The following SYT1 variants were observed in gnomAD, a reference collection of about 807,000 sequenced individuals.
The protein encoded by SYT1 is synaptotagmin 1.
Under a neutral mutation model 44.8 loss-of-function variants are expected in SYT1, and 8 were observed. The observed-to-expected ratio is 0.18, with a 90% CI of 0.10 to 0.32. SYT1 has a LOEUF of 0.32. Ranked by LOEUF, SYT1 falls within the 10% of genes least tolerant of loss-of-function variation. The pLI is 1.00. For synonymous variants in SYT1, 154 were observed against 188.8 expected (o/e 0.82, Z 1.51); for missense variants, 286 against 509.3 (o/e 0.56, Z 4.22).
chr12:79,228,642 A>G (rs1272867810), intron 4 of SYT1, among the ~76,000 whole-genome samples: 3 of 151,916 alleles, frequency 2.0e-5, no homozygotes, highest in Non-Finnish European at 4.4e-5. Flanking sequence ...TTTATTCTAC[A>G]TGCTCTTTTT....
Position 79,449,371 on chromosome 12 carries a change from GA to G in SYT1, c.*250del. 2.0e-6 allele frequency: 1 copy of G among 488,970 alleles called. No individual in the cohort carries two copies. The highest frequency in any genetic ancestry group is 3.7e-6 in the Non-Finnish European group (1 of 272,122). 30.3% of individuals were successfully genotyped at this position (488,970 alleles called of 1,614,324 possible). The stretch of plus-strand genomic sequence containing the variant: ...TATGATGTGTAGATAGAGCATGAAT[GA>G]AATTATTTATTGTATCACACTGTTG... On this transcript the variant is annotated 3_prime_UTR_variant, in exon 11 of 11. Coordinates refer to ENST00000261205, the MANE Select transcript of SYT1 (RefSeq NM_005639.3).
intron 5 of SYT1, among the ~76,000 whole-genome samples, chr12:79,290,397 G>A (rs957494855): frequency 6.6e-6 from 1 of 152,178 alleles, no homozygotes; most frequent in African/African-American, 2.4e-5. Flanking sequence ...TAAGTGGGTG[G>A]ATTGAACAGA....
intron 4 of SYT1, among the ~76,000 whole-genome samples, chr12:79,242,090 GC>G (rs1219732117): frequency 3.3e-5 from 5 of 152,172 alleles, no homozygotes. Flanking sequence ...CAGACTTGAA[GC>G]CCCTAAAACT....
chr12:79,444,048 AG>A (rs1249157324), intron 9 of SYT1, 24 bp from the exon 10 acceptor site: 3 of 1,611,268 alleles, frequency 1.9e-6, no homozygotes, highest in Admixed American at 1.7e-5. Context: ...GATCTCCTAA[AG>A]TTTGTTTCCT....
chr12:79,245,491 A>AAAAG, intron 4 of SYT1, among the ~76,000 whole-genome samples: 1 of 140,342 alleles, frequency 7.1e-6, no homozygotes, highest in African/African-American at 2.8e-5. Context: ...AAAAAAAAAG[A>AAAAG]AAAGAAAAAA....
Position 79,217,589 on chromosome 12 carries a change from A to G in SYT1, c.70A>G (p.Ser24Gly). ...PVTTVATVLP[S>G]NATEPASPGE... is the part of the protein sequence containing the mutation. ...CACCACTGTCGCGACTGTTCTGCCA[A>G]GCAACGCCACAGAGCCAGCCAGTCC... Residue 24 changes from serine (S) to glycine (G), a missense_variant, in exon 4 of 11, where the codon AGC becomes GGC. Physicochemically the swap from Ser to Gly is moderately conservative, Grantham distance 56. Around this residue, in one of 6 missense-constraint regions of SYT1, gnomAD observed 141 missense variants for 165.7 expected, o/e 0.85. Transcript: ENST00000261205. 2 of 1,613,252 alleles carry G rather than the reference A, an allele frequency of 1.2e-6. No individual in the cohort carries two copies. Among genetic ancestry groups the G allele is most frequent in the Non-Finnish European group, 8.5e-7 (1 of 1,179,604 alleles).
chr12:79,155,993 C>T (rs1427776410), intron 3 of SYT1, among the ~76,000 whole-genome samples: 1 of 152,222 alleles, frequency 6.6e-6, no homozygotes, highest in Admixed American at 6.5e-5. Context: ...AGTCTCTAAC[C>T]AATCTTCCTA....
chr12:78,987,543 A>G (rs895651652), intron 2 of SYT1, among the ~76,000 whole-genome samples: 3 of 152,062 alleles, frequency 2.0e-5, no homozygotes, highest in African/African-American at 7.2e-5. Flanking sequence ...CAGACAGGAT[A>G]TAAGGTCCTT....
At chr12:79,032,175 C>A (rs1012453305) in intron 2 of SYT1, among the ~76,000 whole-genome samples, 1 of 151,018 alleles carries the variant, frequency 6.6e-6, no homozygotes, top group Non-Finnish European at 1.5e-5. Flanking sequence ...TGATTGTGTC[C>A]TTTGAGCTTT....
intron 2 of SYT1, among the ~76,000 whole-genome samples, chr12:79,008,118 GA>G (rs1048922441): frequency 2.0e-5 from 3 of 152,042 alleles, no homozygotes; most frequent in African/African-American, 7.2e-5. Context: ...CTTGGGAGTA[GA>G]AGGTCCATTT....
rs112407255 is a variant in SYT1, at chr12:79,221,950, A to G, written c.166+4265A>G. ...ATTAGCAACTTTTTTTTTAACTTGA[A>G]GAACTCCCCTTAGTATTTTTATAAG... On this transcript the variant is annotated intron_variant, in intron 4 of 10. Transcript: ENST00000261205. Among the ~76,000 whole-genome samples, 1,177 of 152,210 alleles carry G rather than the reference A, an allele frequency of 7.7e-3. 11 individuals are homozygous for G. The highest frequency in any genetic ancestry group is 0.044 in the Middle Eastern group (13 of 294).
intron 2 of SYT1, chr12:78,995,959 T>C (rs1344887554): frequency 1.3e-5 from 2 of 152,210 alleles, no homozygotes; most frequent in Non-Finnish European, 2.9e-5. Flanking sequence ...GATAGTTTTC[T>C]TTTTCTACGT....
intron 3 of SYT1, among the ~76,000 whole-genome samples, chr12:79,169,953 G>T (rs1335401237): frequency 6.6e-6 from 1 of 151,966 alleles, no homozygotes; most frequent in Non-Finnish European, 1.5e-5. Flanking sequence ...GTGGTATTCG[G>T]TTTTCTGTTC....
intron 3 of SYT1, among the ~76,000 whole-genome samples, chr12:79,096,506 A>C (rs889315319): frequency 6.6e-6 from 1 of 151,972 alleles, no homozygotes; most frequent in Non-Finnish European, 1.5e-5. Flanking sequence ...GTAGTCCAGA[A>C]GATACGTTTC....
rs532729756 is a variant in SYT1, at chr12:78,992,470, A to G, written c.-84+14539A>G. 9.2e-5 allele frequency among the ~76,000 whole-genome samples: 14 copies of G among 152,290 alleles called. 1 individual carries two copies. Among genetic ancestry groups the G allele is most frequent in the Admixed American group, 4.6e-4 (7 of 15,294 alleles). On this transcript the variant is annotated intron_variant, in intron 2 of 10. Transcript: ENST00000261205. ...TTGGCATTTGAATAAAATAGAATAG[A>G]AAAAAATAAAGGATGTAAGTTACAT... is the stretch of plus-strand genomic sequence containing the variant.
intron 3 of SYT1, among the ~76,000 whole-genome samples, chr12:79,086,801 G>C (rs1877411897): frequency 6.6e-6 from 1 of 152,176 alleles, no homozygotes; most frequent in African/African-American, 2.4e-5. Context: ...TCCCAAGGCT[G>C]TTGCGTGCTG....
chr12:79,428,616 AG>A (rs1238763442), intron 9 of SYT1, among the ~76,000 whole-genome samples: 1 of 152,120 alleles, frequency 6.6e-6, no homozygotes, highest in African/African-American at 2.4e-5. Flanking sequence ...TGAGAAGAGG[AG>A]GGGGACGGGA....
chr12:79,183,001 A>G (rs534154580), intron 3 of SYT1, among the ~76,000 whole-genome samples: 2 of 152,212 alleles, frequency 1.3e-5, no homozygotes, highest in Admixed American at 1.3e-4. Context: ...GTAAGAACCA[A>G]ATGTGTTATA....
intron 2 of SYT1, among the ~76,000 whole-genome samples, chr12:79,019,235 T>C (rs1053651851): frequency 2.0e-5 from 3 of 152,068 alleles, no homozygotes; most frequent in African/African-American, 4.8e-5. Flanking sequence ...TTTCGCAGTC[T>C]ATAAATATAT....
Sources: allele counts gnomAD v4.1 joint callset (sites outside exome capture counted in the v4.1 genomes callset), GRCh38; gene constraint gnomAD v4.1.1; regional missense constraint gnomAD v4.1.1; transcripts MANE v1.5; gene names NCBI Gene and HGNC (gene_info 2026-07-23, HGNC 2026-07-21).